Variants in PSD3 observed in about 807,000 individuals in gnomAD.
PSD3 encodes pleckstrin and Sec7 domain containing 3, also known as PH and SEC7 domain-containing protein 3.
A neutral mutation model predicts 105.5 loss-of-function variants in PSD3; 49 were observed. The ratio of observed to expected loss-of-function variants is 0.46; its 90% confidence interval spans 0.37 to 0.59. The LOEUF is 0.59. PSD3 is among the 20% of genes least tolerant of loss of function. The pLI is 0.00. For synonymous variants in PSD3, 557 were observed against 457.8 expected (o/e 1.22, Z -2.77); for missense variants, 1,561 against 1,263.8 (o/e 1.24, Z -3.57).
At chr8:18,651,102 T>C (rs886482501) in intron 10 of PSD3, among the ~76,000 whole-genome samples, 14 of 152,212 alleles carry the variant, frequency 9.2e-5, no homozygotes, top group African/African-American at 1.4e-4. Flanking sequence ...CCTATACATA[T>C]ATTCAAAAGA....
intron 9 of PSD3, among the ~76,000 whole-genome samples, chr8:18,724,478 T>G (rs924437504): frequency 6.6e-6 from 1 of 151,814 alleles, no homozygotes; most frequent in Non-Finnish European, 1.5e-5. Context: ...TGTGTGGTGG[T>G]GTGAACCTGT....
chr8:18,701,633 G>C (rs1801588121), intron 9 of PSD3, among the ~76,000 whole-genome samples: 1 of 152,194 alleles, frequency 6.6e-6, no homozygotes, highest in African/African-American at 2.4e-5. Flanking sequence ...TGGCTTCCTA[G>C]TAGTGCAGAG....
At chr8:18,676,260 C>G (rs887672039) in intron 9 of PSD3, among the ~76,000 whole-genome samples, 1 of 152,130 alleles carries the variant, frequency 6.6e-6, no homozygotes, top group Non-Finnish European at 1.5e-5. Context: ...CTTCAGTACA[C>G]CTTCCCCAAA....
chr8:18,740,424 T>C (rs1388879697), intron 9 of PSD3, among the ~76,000 whole-genome samples: 2 of 152,130 alleles, frequency 1.3e-5, no homozygotes, highest in Admixed American at 1.3e-4. Flanking sequence ...TGTGTTGGGT[T>C]TCATTTGCAA....
intron 1 of PSD3, among the ~76,000 whole-genome samples, chr8:19,004,417 T>C (rs1229084627): frequency 1.3e-5 from 2 of 152,102 alleles, no homozygotes; most frequent in Non-Finnish European, 2.9e-5. Context: ...GGCCTAGAAC[T>C]GTGCTAAGCC....
At chr8:18,961,618 G>A (rs1171686547) in intron 1 of PSD3, among the ~76,000 whole-genome samples, 1 of 151,954 alleles carries the variant, frequency 6.6e-6, no homozygotes, top group African/African-American at 2.4e-5. Context: ...TTCAACCCAG[G>A]AGGCGGAGGT....
chr8:18,775,058 C>A, intron 8 of PSD3: 1 of 422,494 alleles, frequency 2.4e-6, no homozygotes, highest in Non-Finnish European at 4.8e-6. Context: ...TACTCTCTAC[C>A]TTCATGAAAT....
intron 1 of PSD3, chr8:18,989,284 G>C (rs1289671602): frequency 6.6e-6 from 1 of 152,132 alleles, no homozygotes; most frequent in African/African-American, 2.4e-5. Context: ...ACCTCAGATA[G>C]GTGTTGCTGA....
chr8:18,957,944 G>A (rs565549602), intron 1 of PSD3, among the ~76,000 whole-genome samples: 8 of 152,260 alleles, frequency 5.3e-5, no homozygotes, highest in African/African-American at 1.4e-4. Context: ...GTGTAAGGAG[G>A]TATAACCTTT....
At chr8:18,544,191 A>C (rs140926715) in intron 15 of PSD3, among the ~76,000 whole-genome samples, 1 of 114,328 alleles carries the variant, frequency 8.7e-6, no homozygotes, top group East Asian at 2.5e-4. Context: ...AAAAAAAAAA[A>C]AAAAAAACCA....
At chr8:18,864,205 G>A (rs1219292895) in intron 4 of PSD3, among the ~76,000 whole-genome samples, 1 of 152,212 alleles carries the variant, frequency 6.6e-6, no homozygotes, top group Non-Finnish European at 1.5e-5. Flanking sequence ...GTTCAGCATA[G>A]CTCAGTAAGA....
At chr8:18,572,761 G>C (rs1034340222) in intron 13 of PSD3, 89 bp from the exon 14 acceptor site, 4 of 1,433,102 alleles carry the variant, frequency 2.8e-6, no homozygotes, top group African/African-American at 1.4e-5. Context: ...ATTTGCAATG[G>C]CATGTGAAAA....
At chr8:18,934,201 C>G (rs1821927143) in intron 2 of PSD3, among the ~76,000 whole-genome samples, 1 of 152,156 alleles carries the variant, frequency 6.6e-6, no homozygotes, top group South Asian at 2.1e-4. Context: ...TGGGTTTCTT[C>G]AGCTGAGCAA....
chr8:18,672,493 T>C (rs923737059), intron 9 of PSD3, among the ~76,000 whole-genome samples: 1 of 152,166 alleles, frequency 6.6e-6, no homozygotes, highest in Non-Finnish European at 1.5e-5. Context: ...TACAAACAAA[T>C]TAAATAATCT....
intron 1 of PSD3, among the ~76,000 whole-genome samples, chr8:18,965,420 G>A (rs560741245): frequency 1.9e-4 from 29 of 152,326 alleles, no homozygotes; most frequent in African/African-American, 6.5e-4. Context: ...CACAGGCTGT[G>A]CTGGTAAGGC....
intron 4 of PSD3, among the ~76,000 whole-genome samples, chr8:18,845,561 C>T (rs369110326): frequency 6.6e-6 from 1 of 152,190 alleles, no homozygotes; most frequent in Admixed American, 6.5e-5. Flanking sequence ...CCATGAGGGC[C>T]GCTGGACCTC....
At chr8:18,598,487 G>A (rs1282033408) in intron 12 of PSD3, among the ~76,000 whole-genome samples, 1 of 151,918 alleles carries the variant, frequency 6.6e-6, no homozygotes, top group Non-Finnish European at 1.5e-5. Context: ...ATGTAAAGGT[G>A]GTTCAACATA....
chr8:19,060,758 C>G (rs1412724741), intron 1 of PSD3, among the ~76,000 whole-genome samples: 2 of 152,170 alleles, frequency 1.3e-5, no homozygotes, highest in African/African-American at 4.8e-5. Flanking sequence ...GGATGGAATT[C>G]TTCTTTATGA....
upstream of PSD3, among the ~76,000 whole-genome samples, chr8:19,017,343 C>G (rs971364353): frequency 1.2e-4 from 18 of 152,204 alleles, no homozygotes; most frequent in African/African-American, 4.3e-4. Flanking sequence ...GTGACCGTGC[C>G]CAGCCTGGCT....
Sources: allele counts gnomAD v4.1 joint callset (sites outside exome capture counted in the v4.1 genomes callset), GRCh38; gene constraint gnomAD v4.1.1; transcripts MANE v1.5; gene names NCBI Gene and HGNC (gene_info 2026-07-23, HGNC 2026-07-21).